ZNF280D: variants seen among roughly 807,000 people sequenced by gnomAD.
The protein encoded by ZNF280D is suppressor of hairy wing homolog 4.
Under a neutral mutation model 94.7 loss-of-function variants are expected in ZNF280D, and 39 were observed. The ratio of observed to expected loss-of-function variants is 0.41; its 90% confidence interval spans 0.32 to 0.54. The LOEUF is 0.54. ZNF280D is among the 20% of genes least tolerant of loss of function. The probability of loss-of-function intolerance (pLI) is 0.22; values close to 1 mark genes in which losing one functional copy is unlikely to be tolerated. For missense variants in ZNF280D, 1,090 were observed against 1,149.3 expected (o/e 0.95, Z 0.75); for synonymous variants, 398 against 377.6 (o/e 1.05, Z -0.63).
chr15:56,669,666 C>A (rs954651634), intron 13 of ZNF280D, among the ~76,000 whole-genome samples: 2 of 147,108 alleles, frequency 1.4e-5, no homozygotes, highest in Non-Finnish European at 3.0e-5. Flanking sequence ...AACAGAACAA[C>A]TGAACTTACT....
At chr15:56,733,377 C>T (rs1244076788) in intron 1 of ZNF280D, 81 bp downstream of exon 1, 2 of 861,072 alleles carry the variant, frequency 2.3e-6, no homozygotes, top group Non-Finnish European at 2.8e-6. Flanking sequence ...TCCAGCGCCC[C>T]CGGAGTGAGG....
At chr15:56,659,914 AT>A (rs200416651) in intron 16 of ZNF280D, among the ~76,000 whole-genome samples, 2,015 of 141,222 alleles carry the variant, frequency 0.014, 36 homozygotes, top group Middle Eastern at 0.038. Flanking sequence ...GAAAAAAAAA[AT>A]ATATATATAT....
chr15:56,644,313 G>C (rs2052774337), intron 19 of ZNF280D, among the ~76,000 whole-genome samples: 2 of 151,978 alleles, frequency 1.3e-5, no homozygotes, highest in African/African-American at 2.4e-5. Flanking sequence ...TTATAAAGAT[G>C]AGATCACATC....
chr15:56,643,919 T>C (rs1281823129), intron 19 of ZNF280D, among the ~76,000 whole-genome samples: 5 of 151,888 alleles, frequency 3.3e-5, no homozygotes, highest in Admixed American at 2.0e-4. Flanking sequence ...TCTAATAGGA[T>C]AGAAACGTCA....
intron 1 of ZNF280D, chr15:56,724,831 C>T (rs752340486): frequency 2.2e-6 from 1 of 449,898 alleles, no homozygotes; most frequent in South Asian, 1.6e-5. Flanking sequence ...GAAGTAGTGC[C>T]AATTTTCTTA....
chr15:56,660,193 C>A (rs1394799416), intron 16 of ZNF280D, among the ~76,000 whole-genome samples: 1 of 151,968 alleles, frequency 6.6e-6, no homozygotes, highest in Non-Finnish European at 1.5e-5. Context: ...GAAATAAGTC[C>A]AAGATTTTGT....
chr15:56,633,392 C>T (rs2052186068), intron 21 of ZNF280D, among the ~76,000 whole-genome samples: 2 of 152,026 alleles, frequency 1.3e-5, no homozygotes, highest in Non-Finnish European at 2.9e-5. Flanking sequence ...ACAACTCTTC[C>T]CCATAAATTT....
chr15:56,633,680 G>A (rs1202649185), intron 21 of ZNF280D, among the ~76,000 whole-genome samples: 3 of 151,542 alleles, frequency 2.0e-5, no homozygotes, highest in Non-Finnish European at 2.9e-5. Flanking sequence ...TAGTAGAGAC[G>A]GGGTTTCACC....
intron 1 of ZNF280D, among the ~76,000 whole-genome samples, chr15:56,713,538 A>G (rs1201608226): frequency 1.4e-4 from 21 of 152,138 alleles, no homozygotes; most frequent in Admixed American, 1.1e-3. Context: ...GCAATTCTTT[A>G]GTCTTTATGT....
At chr15:56,676,563 G>T in intron 13 of ZNF280D, 107 bp downstream of exon 13, 1 of 985,644 alleles carries the variant, frequency 1.0e-6, no homozygotes, top group Non-Finnish European at 1.4e-6. Context: ...AGTGTCATTT[G>T]GAACAACTCT....
intron 13 of ZNF280D, among the ~76,000 whole-genome samples, chr15:56,674,295 A>G (rs1235361455): frequency 6.6e-6 from 1 of 152,068 alleles, no homozygotes; most frequent in Non-Finnish European, 1.5e-5. Flanking sequence ...AGTCTTACAC[A>G]TCTCTTTTAT....
intron 6 of ZNF280D, chr15:56,699,269 T>C (rs1274921556): frequency 1.1e-5 from 6 of 565,252 alleles, no homozygotes; most frequent in Non-Finnish European, 1.3e-5. Context: ...TATAGTTATT[T>C]AATAGAAATG....
At chr15:56,661,884 T>C (rs1402783436) in intron 16 of ZNF280D, among the ~76,000 whole-genome samples, 1 of 152,176 alleles carries the variant, frequency 6.6e-6, no homozygotes, top group Non-Finnish European at 1.5e-5. Flanking sequence ...CACAATAACT[T>C]TCTTTTCAAG....
intron 6 of ZNF280D, among the ~76,000 whole-genome samples, chr15:56,694,601 A>G (rs1388429311): frequency 6.6e-6 from 1 of 152,214 alleles, no homozygotes; most frequent in Non-Finnish European, 1.5e-5. Context: ...AATGCAAATA[A>G]AAACAACAGC....
chr15:56,644,331 C>G (rs1326433312), intron 19 of ZNF280D, among the ~76,000 whole-genome samples: 1 of 151,926 alleles, frequency 6.6e-6, no homozygotes, highest in Non-Finnish European at 1.5e-5. Flanking sequence ...ATCAAGTATA[C>G]AGTATAACTT....
chr15:56,693,381 C>T (rs1410045563), intron 6 of ZNF280D, among the ~76,000 whole-genome samples, 166 bp from the exon 7 acceptor site: 1 of 151,490 alleles, frequency 6.6e-6, no homozygotes, highest in East Asian at 1.9e-4. Flanking sequence ...CCTTTGATAA[C>T]TCAATTATTA....
chr15:56,702,302 T>C (rs2057126788), intron 4 of ZNF280D, among the ~76,000 whole-genome samples: 1 of 152,178 alleles, frequency 6.6e-6, no homozygotes, highest in Non-Finnish European at 1.5e-5. Flanking sequence ...TGTAGTACTA[T>C]TTAGTGGGTG....
At chr15:56,703,552 C>T (rs2057213626) in intron 4 of ZNF280D, among the ~76,000 whole-genome samples, 1 of 152,090 alleles carries the variant, frequency 6.6e-6, no homozygotes, top group Non-Finnish European at 1.5e-5. Flanking sequence ...AAAGAATAAA[C>T]AGATAAATAT....
At chr15:56,664,129 G>C (rs2054134656) in intron 16 of ZNF280D, among the ~76,000 whole-genome samples, 1 of 152,118 alleles carries the variant, frequency 6.6e-6, no homozygotes, top group Admixed American at 6.5e-5. Flanking sequence ...CTCTAAAGAA[G>C]TCACAGAGGA....
Sources: allele counts gnomAD v4.1 joint callset (sites outside exome capture counted in the v4.1 genomes callset), GRCh38; gene constraint gnomAD v4.1.1; transcripts MANE v1.5; gene names NCBI Gene and HGNC (gene_info 2026-07-23, HGNC 2026-07-21).